Variants in ADGRL2 observed in about 807,000 individuals in gnomAD.
The protein encoded by ADGRL2 is calcium-independent alpha-latrotoxin receptor 2.
ADGRL2 carries 44 observed loss-of-function variants against 157.4 expected under a neutral mutation model. The ratio of observed to expected loss-of-function variants is 0.28; its 90% confidence interval spans 0.22 to 0.36. The LOEUF is 0.36. ADGRL2 is among the 10% of genes least tolerant of loss of function. ADGRL2 has a pLI of 1.00. For missense variants in ADGRL2, 1,510 were observed against 1,768.9 expected, an observed-to-expected ratio of 0.85 and a Z score of 2.63; for synonymous variants, 585 against 624.7, an observed-to-expected ratio of 0.94 and a Z score of 0.95.
chr1:81,678,409 A>G (rs1013871717), intron 3 of ADGRL2, among the ~76,000 whole-genome samples: 1 of 152,218 alleles, frequency 6.6e-6, no homozygotes, highest in Non-Finnish European at 1.5e-5. Flanking sequence ...CAGAATTTGG[A>G]TAATTATTTA....
intron 3 of ADGRL2, among the ~76,000 whole-genome samples, chr1:81,915,866 C>T (rs757798693): frequency 1.3e-5 from 2 of 152,004 alleles, no homozygotes; most frequent in Non-Finnish European, 2.9e-5. Context: ...TTTTATAGTG[C>T]TTTTCATATC....
intron 2 of ADGRL2, among the ~76,000 whole-genome samples, chr1:81,504,219 G>A (rs138875052): frequency 0.013 from 2,027 of 151,858 alleles, 31 homozygotes; most frequent in East Asian, 0.033. Context: ...CATGCTCCCC[G>A]CTTGCCCTTA....
At chr1:81,592,247 G>A (rs1198942939) in intron 3 of ADGRL2, among the ~76,000 whole-genome samples, 1 of 152,252 alleles carries the variant, frequency 6.6e-6, no homozygotes, top group African/African-American at 2.4e-5. Flanking sequence ...GTAGGCAAAT[G>A]TTTTCTGGAA....
intron 1 of ADGRL2, among the ~76,000 whole-genome samples, chr1:81,393,789 A>T (rs1235218449): frequency 4.6e-5 from 7 of 151,818 alleles, no homozygotes; most frequent in Non-Finnish European, 1.0e-4. Flanking sequence ...TAATAGTTGA[A>T]CATCTACTAT....
At chr1:81,805,704 A>G (rs1165112477) in intron 1 of ADGRL2, among the ~76,000 whole-genome samples, 1 of 147,456 alleles carries the variant, frequency 6.8e-6, no homozygotes, top group East Asian at 2.0e-4. Context: ...TGATCCCTTC[A>G]CTTGTCTAGG....
chr1:81,352,826 G>C (rs1663003151), intron 1 of ADGRL2, among the ~76,000 whole-genome samples: 1 of 152,112 alleles, frequency 6.6e-6, no homozygotes, highest in Non-Finnish European at 1.5e-5. Context: ...GGAAAAGAGT[G>C]TTTAAGTTTG....
intron 2 of ADGRL2, among the ~76,000 whole-genome samples, chr1:81,472,717 G>C (rs1445193884): frequency 6.6e-6 from 1 of 152,176 alleles, no homozygotes; most frequent in Non-Finnish European, 1.5e-5. Flanking sequence ...ACATGCTCTA[G>C]TAAAATCCTA....
intron 1 of ADGRL2, chr1:81,722,558 G>T: frequency 2.0e-6 from 3 of 1,516,114 alleles, no homozygotes; most frequent in South Asian, 2.2e-5. Flanking sequence ...TACAAATGGC[G>T]AGGGAAAGCA....
intron 1 of ADGRL2, among the ~76,000 whole-genome samples, chr1:81,417,298 TC>T (rs71499345): frequency 6.6e-6 from 1 of 151,736 alleles, no homozygotes; most frequent in South Asian, 2.1e-4. Context: ...ATTATGTGAC[TC>T]CTAATTGGTA....
rs116445085 is a variant in ADGRL2 at position 81,762,229 on chromosome 1, T to C, written c.-101+377T>C. ...CATTATCTGTGATACAAATTGAGAGTTGGTAAGAGTCCTTTGGAATTGTTA... is the reference window on the plus strand; with the variant it reads ...CATTATCTGTGATACAAATTGAGAGCTGGTAAGAGTCCTTTGGAATTGTTA... On this transcript the variant is annotated intron_variant, in intron 2 of 20. Transcript: ENST00000359929. Among the ~76,000 whole-genome samples, 1,063 of 152,230 alleles carry C rather than the reference T, an allele frequency of 7.0e-3. 13 individuals are homozygous for C. Among genetic ancestry groups the C allele is most frequent in the African/African-American group, 0.024 (1,014 of 41,562 alleles).
At chr1:81,794,283 A>G (rs2087484099) in intron 2 of ADGRL2, among the ~76,000 whole-genome samples, 1 of 152,176 alleles carries the variant, frequency 6.6e-6, no homozygotes, top group Non-Finnish European at 1.5e-5. Context: ...TTTCGGGACA[A>G]CTAAAGTTGC....
chr1:81,604,076 G>A (rs2148645112), intron 3 of ADGRL2, among the ~76,000 whole-genome samples: 1 of 150,818 alleles, frequency 6.6e-6, no homozygotes, highest in South Asian at 2.1e-4. Flanking sequence ...CAATTATCCT[G>A]CCTCAGACTC....
intron 4 of ADGRL2, among the ~76,000 whole-genome samples, chr1:81,940,446 T>C (rs1223349536): frequency 1.3e-5 from 2 of 151,614 alleles, no homozygotes; most frequent in Non-Finnish European, 3.0e-5. Context: ...ATGTTGAATT[T>C]CTTGTTTTTC....
At chr1:81,903,078 A>C (rs576204937) in intron 2 of ADGRL2, among the ~76,000 whole-genome samples, 1 of 152,348 alleles carries the variant, frequency 6.6e-6, no homozygotes, top group Non-Finnish European at 1.5e-5. Context: ...GAAATTTTAT[A>C]AGACTTTGAA....
chr1:81,545,587 C>T (rs879275594), intron 2 of ADGRL2, among the ~76,000 whole-genome samples: 8 of 152,082 alleles, frequency 5.3e-5, no homozygotes, highest in Admixed American at 4.6e-4. Context: ...GCCTGACTGA[C>T]TTCTAATGAG....
At chr1:81,718,240 G>A (rs1038932027) in intron 1 of ADGRL2, among the ~76,000 whole-genome samples, 12 of 152,104 alleles carry the variant, frequency 7.9e-5, no homozygotes, top group South Asian at 2.1e-4. Context: ...GGATGGTCTC[G>A]ATCTCTTGAC....
chr1:81,533,541 A>C (rs982930576), intron 2 of ADGRL2, among the ~76,000 whole-genome samples: 1 of 152,188 alleles, frequency 6.6e-6, no homozygotes, highest in African/African-American at 2.4e-5. Context: ...ATCTTCCCCA[A>C]ATATTTAAAG....
intron 2 of ADGRL2, among the ~76,000 whole-genome samples, chr1:81,520,713 C>T (rs557664314): frequency 1.3e-5 from 2 of 152,272 alleles, no homozygotes; most frequent in Non-Finnish European, 2.9e-5. Context: ...CCCAACCATG[C>T]AGAACTGTGA....
intron 3 of ADGRL2, among the ~76,000 whole-genome samples, chr1:81,907,610 T>C (rs928312835): frequency 6.6e-6 from 1 of 152,176 alleles, no homozygotes; most frequent in African/African-American, 2.4e-5. Flanking sequence ...TTAACTTTTT[T>C]TTTTTAAATT....
Sources: gnomAD v4.1 joint callset for allele counts (sites outside exome capture counted in the v4.1 genomes callset) on GRCh38, gnomAD v4.1.1 for gene constraint, MANE v1.5 for transcripts, NCBI Gene and HGNC (gene_info 2026-07-23, HGNC 2026-07-21) for gene names.